AVL9: variants seen among roughly 807,000 people sequenced by gnomAD.
The protein encoded by AVL9 is AVL9 cell migration associated, also known as late secretory pathway protein AVL9 homolog.
In AVL9, 49 loss-of-function variants were observed where a neutral mutation model predicts 79.2. The observed-to-expected ratio is 0.62, with a 90% CI of 0.49 to 0.79. The LOEUF is 0.79. Among genes scored for constraint, AVL9 ranks in the 30% least tolerant of loss-of-function variants. The pLI is 0.00. For missense variants in AVL9, 682 were observed against 776.8 expected (o/e 0.88, Z 1.45); for synonymous variants, 299 against 280.6 (o/e 1.07, Z -0.65).
intron 11 of AVL9, among the ~76,000 whole-genome samples, chr7:32,570,394 T>C (rs1790776194): frequency 6.6e-6 from 1 of 152,150 alleles, no homozygotes; most frequent in African/African-American, 2.4e-5. Flanking sequence ...ATGAAGTGAT[T>C]TGTACAATAT....
At chr7:32,557,235 T>C (rs1562786642) in intron 8 of AVL9, among the ~76,000 whole-genome samples, 1 of 152,116 alleles carries the variant, frequency 6.6e-6, no homozygotes, top group Admixed American at 6.6e-5. Context: ...TTTTAAAGAA[T>C]AGAGATAGGG....
At chr7:32,530,329 G>A (rs772072970) in intron 1 of AVL9, among the ~76,000 whole-genome samples, 14 of 152,166 alleles carry the variant, frequency 9.2e-5, no homozygotes, top group Non-Finnish European at 1.9e-4. Context: ...ATGCTGTCTA[G>A]CTTTACATAA....
At chr7:32,540,569 T>C (rs1384711136) in intron 1 of AVL9, among the ~76,000 whole-genome samples, 1 of 152,230 alleles carries the variant, frequency 6.6e-6, no homozygotes, top group Non-Finnish European at 1.5e-5. Flanking sequence ...CTGCCTGTGA[T>C]TGGCTGAGCT....
intron 1 of AVL9, among the ~76,000 whole-genome samples, chr7:32,499,094 C>T (rs1002577045): frequency 1.3e-5 from 2 of 150,746 alleles, no homozygotes; most frequent in Non-Finnish European, 3.0e-5. Flanking sequence ...ATCTGGGAGG[C>T]GGAGGTTACA....
chr7:32,567,604 G>A (rs555614689), intron 10 of AVL9, among the ~76,000 whole-genome samples: 27 of 152,144 alleles, frequency 1.8e-4, no homozygotes, highest in East Asian at 5.8e-4. Flanking sequence ...TCTTCTGGGG[G>A]TATTCTATGC....
chr7:32,574,292 GT>G (rs1179967295), intron 12 of AVL9, among the ~76,000 whole-genome samples: 2 of 152,012 alleles, frequency 1.3e-5, no homozygotes, highest in Non-Finnish European at 2.9e-5. Flanking sequence ...GCACATAGGA[GT>G]TTTAAAGTAG....
intron 15 of AVL9, 154 bp downstream of exon 15, chr7:32,581,044 GA>G: frequency 1.5e-6 from 1 of 685,126 alleles, no homozygotes; most frequent in South Asian, 2.0e-5. Context: ...ATATTCATTT[GA>G]AAAATTCCAA....
chr7:32,558,164 A>G (rs1223187263), intron 8 of AVL9, among the ~76,000 whole-genome samples: 1 of 129,978 alleles, frequency 7.7e-6, no homozygotes, highest in African/African-American at 3.0e-5. Flanking sequence ...AGCAGCTGTT[A>G]TTCTTCTTTT....
intron 4 of AVL9, among the ~76,000 whole-genome samples, chr7:32,550,951 C>G (rs1392663535): frequency 6.6e-6 from 1 of 152,108 alleles, no homozygotes; most frequent in Non-Finnish European, 1.5e-5. Context: ...GTGTCAGATA[C>G]TTTTTACCAA....
Position 32,566,180 on chromosome 7 carries a change from A to ATTTTTTTTTTTTTTTT in AVL9, c.1216-3828_1216-3827insTTTTTTTTTTTTTTTT, listed in dbSNP as rs200639479. 1.8e-4 allele frequency among the ~76,000 whole-genome samples: 17 copies of ATTTTTTTTTTTTTTTT among 93,856 alleles called. 1 individual carries two copies. Among genetic ancestry groups the ATTTTTTTTTTTTTTTT allele is most frequent in the African/African-American group, 3.3e-4 (8 of 24,046 alleles). 61.6% of individuals were successfully genotyped at this position (93,856 alleles called of 152,430 possible). A position where few individuals can be genotyped will look rare whatever the true frequency, so the allele number is the denominator to read the frequency against. Reference sequence around the variant, plus strand: ...TAAAAAAATTTTAATTATTATTATTATTTTTTTTTTTTGGAGACAAGGTCT... The same window carrying ATTTTTTTTTTTTTTTT: ...TAAAAAAATTTTAATTATTATTATTATTTTTTTTTTTTTTTTTTTTTTTTTTTTGGAGACAAGGTCT... On this transcript the variant is annotated intron_variant, in intron 10 of 15. Coordinates refer to ENST00000318709, the MANE Select transcript of AVL9 (RefSeq NM_015060.3).
intron 1 of AVL9, chr7:32,531,550 C>T (rs1788655491): frequency 6.6e-6 from 1 of 152,062 alleles, no homozygotes; most frequent in African/African-American, 2.4e-5. Flanking sequence ...ATATCCCTGA[C>T]CCCTTTGCGG....
At chr7:32,520,833 C>T (rs906008024) in intron 1 of AVL9, among the ~76,000 whole-genome samples, 7 of 152,132 alleles carry the variant, frequency 4.6e-5, no homozygotes, top group African/African-American at 1.7e-4. Context: ...GCTGTGTCCC[C>T]ACCCAAATCT....
At chr7:32,533,546 CT>C (rs1316907638) in intron 1 of AVL9, 1 of 152,148 alleles carries the variant, frequency 6.6e-6, no homozygotes, top group Non-Finnish European at 1.5e-5. Context: ...GTAGTATTGA[CT>C]TTTCAAGAGA....
intron 10 of AVL9, among the ~76,000 whole-genome samples, chr7:32,562,388 C>G (rs897682828): frequency 2.6e-5 from 4 of 152,108 alleles, no homozygotes; most frequent in African/African-American, 9.7e-5. Context: ...TTAACACATA[C>G]ACTTATTAAC....
chr7:32,569,010 A>G (rs1451579996), intron 10 of AVL9, among the ~76,000 whole-genome samples: 1 of 152,208 alleles, frequency 6.6e-6, no homozygotes, highest in Admixed American at 6.5e-5. Flanking sequence ...TTAAGTATTT[A>G]ACAACCACCT....
chr7:32,575,879 C>A, intron 12 of AVL9, 76 bp from the exon 13 acceptor site: 3 of 1,028,582 alleles, frequency 2.9e-6, no homozygotes, highest in Admixed American at 1.8e-5. Context: ...CGTTCCTTTA[C>A]CCTTTTTGGT....
chr7:32,547,031 A>G (rs569691234), intron 3 of AVL9, among the ~76,000 whole-genome samples: 143 of 152,116 alleles, frequency 9.4e-4, no homozygotes, highest in Non-Finnish European at 1.7e-3. Flanking sequence ...CTAGCATTCT[A>G]AAGTAGCATC....
Position 32,568,205 on chromosome 7 carries a change from ATTTT to A in AVL9, c.1216-1805_1216-1802del, listed in dbSNP as rs66792161. Reference sequence around the variant, plus strand: ...TTACATCATATTCTTTTATTTATTTATTTTTTTTTTTTTGAGATGGAGTCTTACT... The same window carrying A: ...TTACATCATATTCTTTTATTTATTTATTTTTTTTTGAGATGGAGTCTTACT... On this transcript the variant is annotated intron_variant, in intron 10 of 15. Transcript: ENST00000318709. 4.3e-3 allele frequency among the ~76,000 whole-genome samples: 617 copies of A among 143,752 alleles called. 1 individual carries two copies. The highest frequency in any genetic ancestry group is 6.7e-3 in the Non-Finnish European group (444 of 65,842). 94.3% of individuals were successfully genotyped at this position (143,752 alleles called of 152,430 possible).
chr7:32,527,529 T>C (rs1788457368), intron 1 of AVL9, among the ~76,000 whole-genome samples: 1 of 146,016 alleles, frequency 6.8e-6, no homozygotes, highest in Non-Finnish European at 1.5e-5. Context: ...TTTTTTTGAT[T>C]GTTGGCTTTC....
Sources: allele counts gnomAD v4.1 joint callset (sites outside exome capture counted in the v4.1 genomes callset), GRCh38; gene constraint gnomAD v4.1.1; transcripts MANE v1.5; gene names NCBI Gene and HGNC (gene_info 2026-07-23, HGNC 2026-07-21).